The following SLC44A5 variants were observed in gnomAD, a reference collection of about 807,000 sequenced individuals.
SLC44A5 encodes choline transporter-like protein 5.
Under a neutral mutation model 101.8 loss-of-function variants are expected in SLC44A5, and 57 were observed. The observed-to-expected ratio is 0.56, with a 90% CI of 0.45 to 0.70. The LOEUF (loss-of-function observed/expected upper bound fraction) is 0.70. Among genes scored for constraint, SLC44A5 ranks in the 30% least tolerant of loss-of-function variants. The pLI is 0.00. For missense variants in SLC44A5, 737 were observed against 853.1 expected (o/e 0.86, Z 1.70); for synonymous variants, 281 against 290.9 (o/e 0.97, Z 0.35).
intron 2 of SLC44A5, among the ~76,000 whole-genome samples, chr1:75,463,272 T>G (rs1041201888): frequency 1.6e-4 from 24 of 151,932 alleles, no homozygotes; most frequent in African/African-American, 5.8e-4. Flanking sequence ...ATACAAAAAT[T>G]AGCTGGGCGC....
rs1302552431 is a variant in SLC44A5 at position 75,214,672 on chromosome 1, T to G, written c.1735A>C (p.Ile579Leu). The G allele has an allele frequency of 1.2e-6, 2 of 1,611,090 alleles. No individual in the cohort carries two copies. The highest frequency in any genetic ancestry group is 2.2e-5 in the South Asian group (2 of 90,474). ...GACCTGCAGAAGTTTCTGCCATATATTGCAATCTGAGGAAGACAGTGGCTA... is the reference window on the plus strand; with the variant it reads ...GACCTGCAGAAGTTTCTGCCATATAGTGCAATCTGAGGAAGACAGTGGCTA... ...LNRNAYIMIAIYGRNFCRSAK... is the reference protein window; with the variant it reads ...LNRNAYIMIALYGRNFCRSAK... Residue 579 changes from isoleucine to leucine, a missense_variant, in exon 20 of 24, where the codon ATA (isoleucine) becomes CTA (leucine). Physicochemically the swap from Ile to Leu is conservative, Grantham distance 5. This residue lies in a region of SLC44A5 where 665 missense variants were observed against 764.4 expected (regional missense o/e 0.87). Coordinates refer to ENST00000370859, the MANE Select transcript of SLC44A5 (RefSeq NM_001130058.2).
intron 6 of SLC44A5, among the ~76,000 whole-genome samples, chr1:75,265,515 A>G (rs1650911442): frequency 6.6e-6 from 1 of 152,202 alleles, no homozygotes; most frequent in African/African-American, 2.4e-5. Context: ...AAAGATGACT[A>G]TAGGTAGCAA....
the SLC44A5 span, among the ~76,000 whole-genome samples, chr1:75,619,337 A>G: frequency 6.6e-6 from 1 of 152,162 alleles, no homozygotes; most frequent in Non-Finnish European, 1.5e-5. Context: ...TATTCAGTCC[A>G]TCATTGACTG....
intron 1 of SLC44A5, among the ~76,000 whole-genome samples, chr1:75,590,108 G>T (rs144401647): frequency 6.6e-5 from 10 of 151,918 alleles, no homozygotes; most frequent in Non-Finnish European, 1.3e-4. Context: ...AGGGAGTGCT[G>T]GCATCACCCT....
At chr1:75,230,424 T>A (rs530546212) in intron 12 of SLC44A5, among the ~76,000 whole-genome samples, 253 of 151,554 alleles carry the variant, frequency 1.7e-3, no homozygotes, top group African/African-American at 5.6e-3. Flanking sequence ...ATTTTTATAT[T>A]TTTTTTAGCA....
At chr1:75,551,386 T>G (rs867256323) in intron 1 of SLC44A5, among the ~76,000 whole-genome samples, 2 of 152,156 alleles carry the variant, frequency 1.3e-5, no homozygotes, top group Non-Finnish European at 2.9e-5. Context: ...ATTTTACTTT[T>G]AAAAGCATCC....
At chr1:75,537,033 A>AAAAAAAAGATATATATATAT (rs35829590) in intron 2 of SLC44A5, among the ~76,000 whole-genome samples, 1 of 43,026 alleles carries the variant, frequency 2.3e-5, no homozygotes, top group Non-Finnish European at 5.8e-5. Context: ...AAAAAAAAAA[A>AAAAAAAAGATATATATATAT]ATATATATCT....
At chr1:75,317,205 G>A (rs1655759728) in intron 4 of SLC44A5, among the ~76,000 whole-genome samples, 1 of 152,168 alleles carries the variant, frequency 6.6e-6, no homozygotes, top group Non-Finnish European at 1.5e-5. Flanking sequence ...GACTGATCTA[G>A]GTGCAGACAA....
chr1:75,435,196 A>G (rs542827318), intron 2 of SLC44A5, among the ~76,000 whole-genome samples: 1 of 152,274 alleles, frequency 6.6e-6, no homozygotes, highest in Admixed American at 6.5e-5. Flanking sequence ...CTGTTCACCC[A>G]GGCTACCTCC....
At chr1:75,330,717 T>G (rs1656986380) in intron 4 of SLC44A5, among the ~76,000 whole-genome samples, 1 of 152,140 alleles carries the variant, frequency 6.6e-6, no homozygotes, top group African/African-American at 2.4e-5. Context: ...AGTGTTGTCT[T>G]TATTGCCTCT....
chr1:75,257,793 C>A (rs1240025611), intron 6 of SLC44A5, among the ~76,000 whole-genome samples: 1 of 152,080 alleles, frequency 6.6e-6, no homozygotes, highest in Non-Finnish European at 1.5e-5. Context: ...TGGTCTGCAG[C>A]TCCCAGCGAG....
intron 2 of SLC44A5, among the ~76,000 whole-genome samples, chr1:75,538,759 A>G (rs211746): frequency 0.9 from 137,269 of 152,200 alleles, 63,509 homozygotes; most frequent in East Asian, 1. Flanking sequence ...ATCGGTTTCC[A>G]ATAAAATTTA....
intron 1 of SLC44A5, among the ~76,000 whole-genome samples, chr1:75,571,649 C>A (rs1322858452): frequency 6.6e-6 from 1 of 152,044 alleles, no homozygotes; most frequent in East Asian, 1.9e-4. Flanking sequence ...GTGTTCTGAG[C>A]ACCTTTAAGA....
rs145195818 is a variant in SLC44A5, at chr1:75,276,849, G to A, written c.176-1807C>T. 2.5e-3 allele frequency among the ~76,000 whole-genome samples: 380 copies of A among 152,198 alleles called. 1 individual carries two copies. The highest frequency in any genetic ancestry group is 8.6e-3 in the African/African-American group (358 of 41,540). ...ATGTTAATGAGTGGAATACTGTTGCGGGCAGCTGGGGCTCCATCCCTCTGG... is the reference window on the plus strand; with the variant it reads ...ATGTTAATGAGTGGAATACTGTTGCAGGCAGCTGGGGCTCCATCCCTCTGG... On this transcript the variant is annotated intron_variant, in intron 5 of 23. Coordinates refer to ENST00000370859, the MANE Select transcript of SLC44A5 (RefSeq NM_001130058.2).
At chr1:75,610,060 G>C (rs572518019) in intron 1 of SLC44A5, among the ~76,000 whole-genome samples, 5 of 151,356 alleles carry the variant, frequency 3.3e-5, no homozygotes, top group African/African-American at 1.2e-4. Flanking sequence ...TAACTAGCAA[G>C]TTGTTGCTAT....
chr1:75,303,726 A>G lies in SLC44A5; in HGVS notation c.102-3041T>C, dbSNP rs368385623. On this transcript the variant is annotated intron_variant, in intron 4 of 23. Coordinates refer to ENST00000370859, the MANE Select transcript of SLC44A5 (RefSeq NM_001130058.2). ...ATTTCCCCAGCAGTCTCTCACCACA[A>G]TGGGACAGCATTTCTCAATAATTCA... Among the ~76,000 whole-genome samples the G allele has an allele frequency of 5.3e-5, 8 of 152,140 alleles. No homozygotes were observed. The East Asian group carries it at 9.6e-4, about 18-fold the overall frequency.
At chr1:75,304,120 A>G (rs912348328) in intron 4 of SLC44A5, among the ~76,000 whole-genome samples, 4 of 152,156 alleles carry the variant, frequency 2.6e-5, no homozygotes, top group Admixed American at 1.3e-4. Context: ...GCTTTAGAGA[A>G]ATGGCAGACC....
intron 2 of SLC44A5, among the ~76,000 whole-genome samples, chr1:75,488,176 A>G (rs1164185988): frequency 6.6e-6 from 1 of 152,192 alleles, no homozygotes; most frequent in African/African-American, 2.4e-5. Context: ...ATTATATGTT[A>G]CAATGTAAAA....
At chr1:75,596,076 G>A (rs1674613602) in intron 1 of SLC44A5, among the ~76,000 whole-genome samples, 1 of 152,022 alleles carries the variant, frequency 6.6e-6, no homozygotes, top group Admixed American at 6.6e-5. Flanking sequence ...ATTGGTACAA[G>A]TCCCTGAATA....
Sources: gnomAD v4.1 joint callset for allele counts (sites outside exome capture counted in the v4.1 genomes callset) on GRCh38, gnomAD v4.1.1 for gene constraint, gnomAD v4.1.1 regional missense constraint, MANE v1.5 for transcripts, NCBI Gene and HGNC (gene_info 2026-07-23, HGNC 2026-07-21) for gene names.